Variants in CACNA1C observed in about 807,000 individuals in gnomAD.
The protein encoded by CACNA1C is calcium voltage-gated channel subunit alpha1 C, also known as voltage-dependent L-type calcium channel subunit alpha-1C.
A neutral mutation model predicts 229.0 loss-of-function variants in CACNA1C; 30 were observed. That is an observed-to-expected ratio of 0.13 (90% confidence interval 0.10 to 0.18). The LOEUF is 0.18. CACNA1C is among the 10% of genes least tolerant of loss of function. The pLI is 1.00. For missense variants in CACNA1C, 1,658 were observed against 2,845.0 expected, an observed-to-expected ratio of 0.58 and a Z score of 9.49; for synonymous variants, 1,114 against 1,132.5, an observed-to-expected ratio of 0.98 and a Z score of 0.33.
chr12:2,332,583 A>C (rs1394787904), intron 3 of CACNA1C, among the ~76,000 whole-genome samples: 1 of 152,222 alleles, frequency 6.6e-6, no homozygotes, highest in African/African-American at 2.4e-5. Flanking sequence ...CAAAAATGCA[A>C]AGACGTATGC....
chr12:2,568,240 C>T (rs2052342851), intron 13 of CACNA1C, among the ~76,000 whole-genome samples: 1 of 152,110 alleles, frequency 6.6e-6, no homozygotes, highest in Non-Finnish European at 1.5e-5. Flanking sequence ...CCGGCCAAGT[C>T]AGCTTCTCCA....
intron 11 of CACNA1C, among the ~76,000 whole-genome samples, chr12:2,560,848 TAAAAAAA>T (rs36012443): frequency 7.1e-5 from 8 of 113,080 alleles, no homozygotes; most frequent in East Asian, 2.6e-4. Flanking sequence ...TTGGTTCTGG[TAAAAAAA>T]AAAAAAAAAA....
At chr12:2,648,936 G>A (rs2094624070) in intron 31 of CACNA1C, among the ~76,000 whole-genome samples, 1 of 152,172 alleles carries the variant, frequency 6.6e-6, no homozygotes, top group Non-Finnish European at 1.5e-5. Flanking sequence ...GGCAGGAGAT[G>A]GAAGGGTGGA....
rs1214828817 is a variant in CACNA1C, at chr12:2,608,728, G to A, written c.3558+16G>A. The A allele has an allele frequency of 1.2e-6, 2 of 1,613,004 alleles. No individual in the cohort carries two copies. The highest frequency in any genetic ancestry group is 8.5e-7 in the Non-Finnish European group (1 of 1,179,476). On this transcript the variant is annotated intron_variant, in intron 27 of 46. Transcript: ENST00000399655. The surrounding 1 kb of genome is among the most constrained non-coding windows in gnomAD (Gnocchi z 4.2). Reference sequence around the variant, plus strand: ...CAAGAACCAGGTAGCTTCCTAGGAAGGAGCGGAGGGAAGCGGGGCCCACGG... The same window carrying A: ...CAAGAACCAGGTAGCTTCCTAGGAAAGAGCGGAGGGAAGCGGGGCCCACGG...
chr12:2,013,161 C>G (rs1359586276), intron 1 of CACNA1C, among the ~76,000 whole-genome samples: 1 of 152,184 alleles, frequency 6.6e-6, no homozygotes, highest in Admixed American at 6.5e-5. Context: ...CTTGGGGAGA[C>G]TCTAAAGCTC....
chr12:1,986,997 T>C (rs2037985494), intron 1 of CACNA1C, among the ~76,000 whole-genome samples: 1 of 151,866 alleles, frequency 6.6e-6, no homozygotes, highest in South Asian at 2.1e-4. Context: ...TGAACTGGAA[T>C]AGAAGTGGGG....
At chr12:2,440,510 C>T (rs984976304) in intron 3 of CACNA1C, among the ~76,000 whole-genome samples, 13 of 150,930 alleles carry the variant, frequency 8.6e-5, no homozygotes, top group Admixed American at 7.9e-4. Context: ...AAGGCTTCTT[C>T]ATGGCTGAAT....
chr12:2,307,678 G>A (rs2095150014), intron 3 of CACNA1C, among the ~76,000 whole-genome samples: 1 of 151,524 alleles, frequency 6.6e-6, no homozygotes, highest in South Asian at 2.1e-4. Flanking sequence ...TTCTTTCTGC[G>A]CTGCTGAACC....
In CACNA1C at chr12:2,420,102, GGTGTGTGTGTGTGTGTGTGTGT is replaced by G. The variant is rs564990323; in HGVS notation, c.478-28849_478-28828del. On this transcript the variant is annotated intron_variant, in intron 3 of 46. Transcript: ENST00000399655. Reference sequence around the variant, plus strand: ...CAGGGTAATCAGACTTAGGCAAAATGGTGTGTGTGTGTGTGTGTGTGTGTGTGTGTGTGTGTGTGTGTGTGTA... The same window carrying G: ...CAGGGTAATCAGACTTAGGCAAAATGGTGTGTGTGTGTGTGTGTGTGTGTA... Among the ~76,000 whole-genome samples, 152 of 125,494 alleles carry G rather than the reference GGTGTGTGTGTGTGTGTGTGTGT, an allele frequency of 1.2e-3. 1 individual carries two copies. The highest frequency in any genetic ancestry group is 2.1e-3 in the Non-Finnish European group (128 of 61,646). The allele number at this position is 125,494 out of a possible 152,430, so 82.3% of individuals were successfully genotyped here. A position where few individuals can be genotyped will look rare whatever the true frequency, so the allele number is the denominator to read the frequency against.
At chr12:2,327,103 T>C (rs2096341063) in intron 3 of CACNA1C, among the ~76,000 whole-genome samples, 1 of 152,216 alleles carries the variant, frequency 6.6e-6, no homozygotes, top group Admixed American at 6.5e-5. Flanking sequence ...AAGCATCTGG[T>C]GTCCACAGAC....
chr12:2,208,557 C>CT (rs1358617682), intron 3 of CACNA1C, among the ~76,000 whole-genome samples: 1 of 152,160 alleles, frequency 6.6e-6, no homozygotes, highest in African/African-American at 2.4e-5. Context: ...CTATGCAGTG[C>CT]ATTGGAGGGA....
At chr12:2,557,391 G>C (rs2045010873) in intron 11 of CACNA1C, among the ~76,000 whole-genome samples, 1 of 152,218 alleles carries the variant, frequency 6.6e-6, no homozygotes, top group Non-Finnish European at 1.5e-5. Context: ...ACACCCGTCT[G>C]TGTCACTGCT....
At position 2,488,054 on chromosome 12, in the gene CACNA1C, G is replaced by A. The variant is rs907905333; in HGVS notation, c.916+1792G>A. The stretch of plus-strand genomic sequence containing the variant: ...TCAGTTCAGCAGTGAATGATGGTGA[G>A]GCCCTCACTAACAAAATGGGGGAGA... On this transcript the variant is annotated intron_variant, in intron 6 of 46. Transcript: ENST00000399655. The surrounding 1 kb of genome is among the most constrained non-coding windows in gnomAD (Gnocchi z 4.0). Among the ~76,000 whole-genome samples the A allele has an allele frequency of 6.6e-6, 1 of 152,170 alleles. No individual in the cohort carries two copies. Among genetic ancestry groups the A allele is most frequent in the African/African-American group, 2.4e-5 (1 of 41,438 alleles).
At chr12:2,645,555 G>A (rs1227194755) in intron 30 of CACNA1C, among the ~76,000 whole-genome samples, 4 of 152,194 alleles carry the variant, frequency 2.6e-5, no homozygotes, top group Admixed American at 2.0e-4. Flanking sequence ...TTCCATCTCA[G>A]CAGGGGATTC....
chr12:2,153,327 T>A (rs919064477), intron 3 of CACNA1C, among the ~76,000 whole-genome samples: 12 of 152,132 alleles, frequency 7.9e-5, no homozygotes, highest in Non-Finnish European at 1.6e-4. Flanking sequence ...TGGTAAAATA[T>A]ACATAATATA....
In CACNA1C at chr12:2,581,536, G is replaced by A. The variant is rs11832738; in HGVS notation, c.1896-54G>A. On this transcript the variant is annotated intron_variant, in intron 13 of 46. Coordinates refer to ENST00000399655, the MANE Select transcript of CACNA1C (RefSeq NM_000719.7). ...GTGGGCAGTTGTGAGAATGAGGCAC[G>A]ATGGGGAGGACAGCAAGGGGCAGAG... The A allele has an allele frequency of 0.7, 1,029,918 of 1,476,038 alleles. 365,698 individuals are homozygous for A. The highest frequency in any genetic ancestry group is 0.73 in the East Asian group (29,429 of 40,148). 91.4% of individuals were successfully genotyped at this position (1,476,038 alleles called of 1,614,324 possible).
chr12:2,662,406 A>G (rs1015616119), intron 34 of CACNA1C, among the ~76,000 whole-genome samples: 5 of 152,232 alleles, frequency 3.3e-5, no homozygotes, highest in African/African-American at 1.2e-4. Context: ...CTGTAATATG[A>G]AATCAATTGT....
intron 1 of CACNA1C, among the ~76,000 whole-genome samples, chr12:2,038,302 G>T (rs181983997): frequency 6.6e-6 from 1 of 152,234 alleles, no homozygotes; most frequent in Admixed American, 6.5e-5. Context: ...AGTCACGGTG[G>T]CACTCTGACA....
chr12:2,239,212 G>T, intron 3 of CACNA1C, among the ~76,000 whole-genome samples: 1 of 152,204 alleles, frequency 6.6e-6, no homozygotes, highest in Non-Finnish European at 1.5e-5. Flanking sequence ...AACAGCCAGA[G>T]AACTGTTTGG....
Sources: gnomAD v4.1 joint callset for allele counts (sites outside exome capture counted in the v4.1 genomes callset) on GRCh38, gnomAD v4.1.1 for gene constraint, Gnocchi (gnomAD v3.1) non-coding constraint, MANE v1.5 for transcripts, NCBI Gene and HGNC (gene_info 2026-07-23, HGNC 2026-07-21) for gene names.